Variants in DOK6 observed in about 807,000 individuals in gnomAD.
DOK6 encodes the protein docking protein 6.
Under a neutral mutation model 44.0 loss-of-function variants are expected in DOK6, and 22 were observed. The ratio of observed to expected loss-of-function variants is 0.50; its 90% CI spans 0.36 to 0.71. DOK6 has a LOEUF of 0.71. Ranked by LOEUF, DOK6 falls within the 30% of genes least tolerant of loss-of-function variation. The pLI, the probability that DOK6 is intolerant of heterozygous loss-of-function variation, is 0.00. For synonymous variants in DOK6, 166 were observed against 145.5 expected (o/e 1.14, Z -1.01); for missense variants, 340 against 416.4 (o/e 0.82, Z 1.60).
intron 3 of DOK6, among the ~76,000 whole-genome samples, chr18:69,617,730 G>GAAAGAAAGAAAGAAAGAAAGAAGAA: frequency 1.1e-5 from 1 of 88,796 alleles, no homozygotes; most frequent in African/African-American, 3.6e-5. Context: ...AAAGAAAAAA[G>GAAAGAAAGAAAGAAAGAAAGAAGAA]GGGGAAGGAG....
chr18:69,776,677 T>C (rs1311697943), intron 7 of DOK6, among the ~76,000 whole-genome samples: 2 of 152,090 alleles, frequency 1.3e-5, no homozygotes, highest in Admixed American at 6.6e-5. Context: ...CCTAATTGTA[T>C]ACAGTCCAGA....
intron 1 of DOK6, among the ~76,000 whole-genome samples, chr18:69,541,759 G>A (rs564851155): frequency 6.6e-6 from 1 of 151,596 alleles, no homozygotes; most frequent in South Asian, 2.1e-4. Context: ...GTGGCAAATA[G>A]AGCATAGGAG....
chr18:69,516,387 G>A (rs1340768853), intron 1 of DOK6, among the ~76,000 whole-genome samples: 2 of 152,144 alleles, frequency 1.3e-5, no homozygotes, highest in African/African-American at 2.4e-5. Flanking sequence ...CTGCCTGAGG[G>A]AACAGGAGAG....
At chr18:69,752,313 C>G (rs186826671) in intron 6 of DOK6, among the ~76,000 whole-genome samples, 1 of 152,134 alleles carries the variant, frequency 6.6e-6, no homozygotes, top group Non-Finnish European at 1.5e-5. Context: ...ACCAAATAAC[C>G]TTAGGAGAAT....
chr18:69,843,855 T>C lies in DOK6; in HGVS notation c.*2472T>C, dbSNP rs1487888423. The C allele has an allele frequency of 6.6e-6, 1 of 152,220 alleles. No homozygotes were observed. The highest frequency in any genetic ancestry group is 1.9e-4 in the East Asian group (1 of 5,198). The allele number at this position is 152,220 out of a possible 1,614,324, so 9.4% of individuals were successfully genotyped here. A position where few individuals can be genotyped will look rare whatever the true frequency, so the allele number is the denominator to read the frequency against. On this transcript the variant is annotated 3_prime_UTR_variant, in exon 8 of 8. Transcript: ENST00000382713. ...TATAATCTATCTCATGGTACATTTT[T>C]GGAGCTTAATTCTAGCATACTCCTC...
At chr18:69,411,414 G>A (rs952464933) in intron 1 of DOK6, among the ~76,000 whole-genome samples, 4 of 152,134 alleles carry the variant, frequency 2.6e-5, no homozygotes, top group Non-Finnish European at 4.4e-5. Flanking sequence ...AATAAGAAGT[G>A]AGTTTCAGTA....
At position 69,483,863 on chromosome 18, in the gene DOK6, C is replaced by T. The variant is rs964162199; in HGVS notation, c.67-80624C>T. ...TTTCTCATACTGGTTGTGGCATCTC[C>T]GCTGTTAATTGCTTTCCTTTAGTGA... On this transcript the variant is annotated intron_variant, in intron 1 of 7. Coordinates refer to ENST00000382713, the MANE Select transcript of DOK6 (RefSeq NM_152721.6). 9.2e-5 allele frequency: 14 copies of T among 152,042 alleles called. 1 individual carries two copies. Among genetic ancestry groups the T allele is most frequent in the Non-Finnish European group, 1.3e-4 (9 of 68,012 alleles). The allele number at this position is 152,042 out of a possible 1,614,324, so 9.4% of individuals were successfully genotyped here. A position where few individuals can be genotyped will look rare whatever the true frequency, so the allele number is the denominator to read the frequency against.
chr18:69,624,815 T>C (rs1984520121), intron 3 of DOK6, among the ~76,000 whole-genome samples: 1 of 152,144 alleles, frequency 6.6e-6, no homozygotes, highest in Non-Finnish European at 1.5e-5. Flanking sequence ...AAGTATAGGA[T>C]AGTGTTTTGT....
At chr18:69,439,179 C>T (rs355982) in intron 1 of DOK6, among the ~76,000 whole-genome samples, 10,444 of 152,256 alleles carry the variant, frequency 0.069, 384 homozygotes, top group Middle Eastern at 0.13. Flanking sequence ...TTTTTCTAAG[C>T]AGTAGGTCTC....
intron 3 of DOK6, among the ~76,000 whole-genome samples, chr18:69,600,654 C>T (rs1349994347): frequency 6.6e-6 from 1 of 151,864 alleles, no homozygotes; most frequent in Non-Finnish European, 1.5e-5. Context: ...CTCTTAATCT[C>T]TCATATTAAA....
chr18:69,565,916 T>C (rs1199028035), intron 2 of DOK6, among the ~76,000 whole-genome samples: 4 of 152,222 alleles, frequency 2.6e-5, no homozygotes, highest in African/African-American at 2.4e-5. Context: ...ACTATGATTA[T>C]GACTTTGGCA....
intron 3 of DOK6, among the ~76,000 whole-genome samples, chr18:69,641,319 T>C (rs1442364356): frequency 6.6e-6 from 1 of 152,194 alleles, no homozygotes; most frequent in Admixed American, 6.5e-5. Flanking sequence ...AACTAAACTG[T>C]TTACAAAAAT....
chr18:69,539,928 C>T (rs531280629), intron 1 of DOK6, among the ~76,000 whole-genome samples: 12 of 152,174 alleles, frequency 7.9e-5, no homozygotes, highest in African/African-American at 2.9e-4. Context: ...TTCTGCATGG[C>T]TGGGGAGACC....
At chr18:69,436,275 C>T (rs1222088716) in intron 1 of DOK6, among the ~76,000 whole-genome samples, 1 of 151,802 alleles carries the variant, frequency 6.6e-6, no homozygotes, top group Non-Finnish European at 1.5e-5. Flanking sequence ...CCCATCAACC[C>T]ATCATCTACA....
At chr18:69,536,505 T>C (rs1982126510) in intron 1 of DOK6, among the ~76,000 whole-genome samples, 1 of 150,644 alleles carries the variant, frequency 6.6e-6, no homozygotes. Context: ...CATTTAGCCA[T>C]GTATATAAAC....
intron 1 of DOK6, among the ~76,000 whole-genome samples, chr18:69,415,875 A>C (rs1335503160): frequency 6.6e-6 from 1 of 152,136 alleles, no homozygotes; most frequent in East Asian, 1.9e-4. Flanking sequence ...TATGGCTTAC[A>C]GAATTTTAAG....
chr18:69,439,289 A>C (rs1390705334), intron 1 of DOK6, among the ~76,000 whole-genome samples: 4 of 152,164 alleles, frequency 2.6e-5, no homozygotes, highest in African/African-American at 7.2e-5. Context: ...GAGTAGATTT[A>C]GCATAATCTT....
chr18:69,662,570 T>A (rs1419439981), intron 3 of DOK6: 1 of 152,244 alleles, frequency 6.6e-6, no homozygotes, highest in Non-Finnish European at 1.5e-5. Context: ...CCTCTGTTAG[T>A]AGATGAATAT....
chr18:69,595,586 A>C (rs1983722099), intron 2 of DOK6, among the ~76,000 whole-genome samples: 1 of 152,130 alleles, frequency 6.6e-6, no homozygotes, highest in Non-Finnish European at 1.5e-5. Flanking sequence ...TCTTCCACCC[A>C]AGCTTTGCCC....
Sources: allele counts gnomAD v4.1 joint callset (sites outside exome capture counted in the v4.1 genomes callset), GRCh38; gene constraint gnomAD v4.1.1; transcripts MANE v1.5; gene names NCBI Gene and HGNC (gene_info 2026-07-23, HGNC 2026-07-21).